ZNF850: variants seen among roughly 807,000 people sequenced by gnomAD.
ZNF850 encodes putative zinc finger protein ENSP00000330994.
A neutral mutation model predicts 11.9 loss-of-function variants in ZNF850; 2 were observed. The observed-to-expected ratio is 0.17, with a 90% CI of 0.07 to 0.53. The LOEUF (loss-of-function observed/expected upper bound fraction) is 0.53, where lower values mean the gene tolerates loss of function less well. Ranked by LOEUF, ZNF850 falls within the 20% of genes least tolerant of loss-of-function variation. The pLI is 0.94. For missense variants in ZNF850, 1,014 were observed against 1,316.4 expected (o/e 0.77, Z 3.55); for synonymous variants, 381 against 443.0 (o/e 0.86, Z 1.76).
chr19:36,761,758 T>G lies in ZNF850; in HGVS notation c.140-20A>C. The G allele has an allele frequency of 7.0e-7, 1 of 1,436,970 alleles. No individual in the cohort carries two copies. Among genetic ancestry groups the G allele is most frequent in the Non-Finnish European group, 9.5e-7 (1 of 1,057,172 alleles). The allele number at this position is 1,436,970 out of a possible 1,614,324, so 89.0% of individuals were successfully genotyped here. ...AGAGACCTGTTTATAAGAAAAGAAG[T>G]AAGATAGCCAGGCATGGTGGCTCAC... is the stretch of plus-strand genomic sequence containing the variant. On this transcript the variant is annotated intron_variant, in intron 3 of 4. Coordinates refer to ENST00000591344, the MANE Select transcript of ZNF850 (RefSeq NM_001193552.2).
intron 1 of ZNF850, among the ~76,000 whole-genome samples, chr19:36,771,298 G>A (rs2040580941): frequency 1.3e-5 from 2 of 152,176 alleles, no homozygotes; most frequent in African/African-American, 4.8e-5. Flanking sequence ...GAGGAACGTG[G>A]GCTGTCTTGA....
chr19:36,772,138 G>A (rs2040588631), intron 1 of ZNF850, among the ~76,000 whole-genome samples: 1 of 152,172 alleles, frequency 6.6e-6, no homozygotes, highest in African/African-American at 2.4e-5. Context: ...TTGGGCCTCG[G>A]TCCCTTATCA....
chr19:36,751,065 T>TAAA (rs34721047), intron 4 of ZNF850, among the ~76,000 whole-genome samples: 1,642 of 89,306 alleles, frequency 0.018, 36 homozygotes, highest in African/African-American at 0.026. Flanking sequence ...GACCCTGTCT[T>TAAA]AAAAAAAAAA....
At chr19:36,763,286 A>G (rs2040530195) in intron 1 of ZNF850, among the ~76,000 whole-genome samples, 1 of 152,092 alleles carries the variant, frequency 6.6e-6, no homozygotes, top group Non-Finnish European at 1.5e-5. Flanking sequence ...CACACCTATA[A>G]TCCCAACATT....
chr19:36,768,403 T>G (rs2040561302), intron 1 of ZNF850, among the ~76,000 whole-genome samples: 1 of 152,180 alleles, frequency 6.6e-6, no homozygotes, highest in South Asian at 2.1e-4. Context: ...TATAACAATT[T>G]CTCAAGTATT....
rs78848486 is a variant in ZNF850 at position 36,750,325 on chromosome 19, G to C, written c.715C>G (p.His239Asp). The C allele has an allele frequency of 6.5e-7, 1 of 1,536,502 alleles. No homozygotes were observed. The highest frequency in any genetic ancestry group is 8.7e-7 in the Non-Finnish European group (1 of 1,146,914). Residue 239 changes from histidine (H) to aspartate (D), a missense_variant, in exon 5 of 5, where the codon CAT becomes GAT. Physicochemically the swap from His to Asp is moderately conservative, Grantham distance 81 (BLOSUM62 -1). Coordinates refer to ENST00000591344, the MANE Select transcript of ZNF850 (RefSeq NM_001193552.2). ...EYGKAFISGSHLIQHQKMYTD... is the reference protein window; with the variant it reads ...EYGKAFISGSDLIQHQKMYTD... The stretch of plus-strand genomic sequence containing the variant: ...TACATTTTCTGGTGTTGAATAAGAT[G>C]TGAGCCAGAAATAAAAGCTTTTCCA...
At chr19:36,762,841 C>T (rs1600614343) in intron 1 of ZNF850, among the ~76,000 whole-genome samples, 166 bp from the exon 2 acceptor site, 1 of 151,986 alleles carries the variant, frequency 6.6e-6, no homozygotes, top group African/African-American at 2.4e-5. Flanking sequence ...AGGCACTCCT[C>T]CCTTACCACT....
In ZNF850 at chr19:36,762,675, G is replaced by A; in HGVS notation, c.-69C>T. 1.4e-6 allele frequency: 2 copies of A among 1,447,692 alleles called. No individual in the cohort carries two copies. Among genetic ancestry groups the A allele is most frequent in the East Asian group, 2.5e-5 (1 of 40,498 alleles). The allele number at this position is 1,447,692 out of a possible 1,614,324, so 89.7% of individuals were successfully genotyped here. A position where few individuals can be genotyped will look rare whatever the true frequency, so the allele number is the denominator to read the frequency against. On this transcript the variant is annotated splice_region_variant and 5_prime_UTR_variant, in exon 2 of 5. Transcript: ENST00000591344. ...ACATTCCGAATATTCCATGGTTAGA[G>A]CTGGGAATGAATAAAACACATTGAT...
chr19:36,748,277 A>G lies in ZNF850; in HGVS notation c.2763T>C (p.Gly921=). The G allele has an allele frequency of 6.4e-7, 1 of 1,561,608 alleles. No individual in the cohort carries two copies. Among genetic ancestry groups the G allele is most frequent in the African/African-American group, 1.4e-5 (1 of 73,598 alleles). The change falls in exon 5 of 5, where the codon GGT becomes GGC. Residue 921 remains glycine (G), a synonymous_variant. Transcript: ENST00000591344. The stretch of plus-strand genomic sequence containing the variant: ...ATTCATGACATCGATAAGGTTTCTC[A>G]CCAGTATGGATTCGTTGATGTTGAG... ...KLTQHQRIHT[G]EKPYRCHECG...
chr19:36,772,572 G>A (rs1408320399), intron 1 of ZNF850, among the ~76,000 whole-genome samples, 153 bp downstream of exon 1: 2 of 151,992 alleles, frequency 1.3e-5, no homozygotes, highest in African/African-American at 4.8e-5. Context: ...CTCCGGGCGC[G>A]CACAGTCACA....
intron 1 of ZNF850, among the ~76,000 whole-genome samples, chr19:36,768,477 A>T (rs2040561548): frequency 6.6e-6 from 1 of 152,186 alleles, no homozygotes; most frequent in South Asian, 2.1e-4. Context: ...GCTCTCTTTC[A>T]AACATAGTTT....
intron 4 of ZNF850, among the ~76,000 whole-genome samples, chr19:36,758,911 A>T (rs1047209342): frequency 3.4e-5 from 3 of 88,294 alleles, no homozygotes; most frequent in Non-Finnish European, 7.4e-5. Flanking sequence ...ACCCCATCTC[A>T]ACTAAAAATA....
rs199753963 is a variant in ZNF850 at position 36,766,285 on chromosome 19, TAATAC to T, written c.-69-3615_-69-3611del. ...AACAAATGTCTTGTTGGTAGATATA[TAATAC>T]AATACTTTTTAATGGGAAAGATATG... On this transcript the variant is annotated intron_variant, in intron 1 of 4. Transcript: ENST00000591344. Among the ~76,000 whole-genome samples the T allele has an allele frequency of 9.6e-3, 1,466 of 152,182 alleles. 29 individuals are homozygous for T. Among genetic ancestry groups the T allele is most frequent in the African/African-American group, 0.034 (1,415 of 41,508 alleles).
At chr19:36,772,445 G>A (rs1314224758) in intron 1 of ZNF850, among the ~76,000 whole-genome samples, 1 of 151,960 alleles carries the variant, frequency 6.6e-6, no homozygotes, top group Non-Finnish European at 1.5e-5. Context: ...CGCACACAAG[G>A]TACTGCACAG....
intron 1 of ZNF850, among the ~76,000 whole-genome samples, chr19:36,769,279 AG>A (rs60751000): frequency 0.085 from 6,847 of 80,366 alleles, 1,001 homozygotes; most frequent in African/African-American, 0.28. Context: ...AAAAAAAAAA[AG>A]AAAGAAAGAA....
At position 36,750,479 on chromosome 19, in the gene ZNF850, C is replaced by T; in HGVS notation, c.561G>A (p.Gln187=). 1 of 1,536,258 alleles carries T rather than the reference C, an allele frequency of 6.5e-7. No individual in the cohort carries two copies. Residue 187 remains glutamine (Q), a synonymous_variant, in exon 5 of 5, where the codon CAG becomes CAA. Coordinates refer to ENST00000591344, the MANE Select transcript of ZNF850 (RefSeq NM_001193552.2). ...GTTTTTCACCAGTATGGGTTTCTTG[C>T]TGTTGTGTAAGTTCTGAGCCATACT... The part of the protein sequence containing the change: ...AFKYGSELTQ[Q]QETHTGEKLY...
At position 36,749,676 on chromosome 19, in the gene ZNF850, C is replaced by T. The variant is rs1435229958; in HGVS notation, c.1364G>A (p.Gly455Glu). 3 of 1,558,546 alleles carry T rather than the reference C, an allele frequency of 1.9e-6. No individual in the cohort carries two copies. Among genetic ancestry groups the T allele is most frequent in the Non-Finnish European group, 2.6e-6 (3 of 1,154,254 alleles). ...GEKPYDCKEC[G>E]KSFASGSALL... ...TGCTGAGCCCGAAGCAAAAGATTTC[C>T]CACACTCCTTACAATCATAGGGTTT... Residue 455 changes from glycine (G) to glutamate (E), a missense_variant, in exon 5 of 5, where the codon GGG becomes GAG. This residue lies in a region of ZNF850 where 835 missense variants were observed against 1,022.0 expected (regional missense o/e 0.82). Transcript: ENST00000591344.
In ZNF850 at chr19:36,766,962, C is replaced by T. The variant is rs111790749; in HGVS notation, c.-69-4287G>A. Among the ~76,000 whole-genome samples, 613 of 151,724 alleles carry T rather than the reference C, an allele frequency of 4.0e-3. 6 individuals are homozygous for T. The highest frequency in any genetic ancestry group is 0.027 in the Middle Eastern group (8 of 292). ...TACTTAAAATACGAAAAAGGCCAGG[C>T]GCAGTGGCTCAAGCCTGTAATCCCA... On this transcript the variant is annotated intron_variant, in intron 1 of 4. Transcript: ENST00000591344.
chr19:36,749,136 T>C lies in ZNF850; in HGVS notation c.1904A>G (p.His635Arg). The change falls in exon 5 of 5, where the codon CAT becomes CGT. Residue 635 changes from histidine (H) to arginine (R), a missense_variant. This residue lies in a region of ZNF850 where 835 missense variants were observed against 1,022.0 expected (regional missense o/e 0.82). Coordinates refer to ENST00000591344, the MANE Select transcript of ZNF850 (RefSeq NM_001193552.2). ...AFRLRLRLTQ[H>R]QQIHTGEKPY... is the part of the protein sequence containing the mutation. ...TTTCTCACCAGTATGGATTTGTTGA[T>C]GTTGAGTAAGTCGTAAACGAAGTCT... is the stretch of plus-strand genomic sequence containing the variant. The C allele has an allele frequency of 6.2e-7, 1 of 1,604,114 alleles. No individual in the cohort carries two copies. The highest frequency in any genetic ancestry group is 8.5e-7 in the Non-Finnish European group (1 of 1,176,780).
Sources: allele counts gnomAD v4.1 joint callset (sites outside exome capture counted in the v4.1 genomes callset), GRCh38; gene constraint gnomAD v4.1.1; regional missense constraint gnomAD v4.1.1; transcripts MANE v1.5; gene names NCBI Gene and HGNC (gene_info 2026-07-23, HGNC 2026-07-21).